Variants in COL7A1 observed in about 807,000 individuals in gnomAD.
The protein encoded by COL7A1 is collagen alpha-1(VII) chain.
Under a neutral mutation model 456.2 loss-of-function variants are expected in COL7A1, and 296 were observed. The ratio of observed to expected loss-of-function variants is 0.65; its 90% CI spans 0.59 to 0.71. The LOEUF (loss-of-function observed/expected upper bound fraction) is 0.71, where lower values mean the gene tolerates loss of function less well. COL7A1 is among the 30% of genes least tolerant of loss of function. The probability of loss-of-function intolerance (pLI) is 0.00; values close to 1 mark genes in which losing one functional copy is unlikely to be tolerated. For synonymous variants in COL7A1, 1,464 were observed against 1,525.9 expected (o/e 0.96, Z 0.95); for missense variants, 3,441 against 4,017.2 (o/e 0.86, Z 3.88).
At position 48,571,322 on chromosome 3, in the gene COL7A1, A is replaced by G. The variant is rs925082507; in HGVS notation, c.7069-44T>C. ...CAGCATTTGAGAGGGTAGGAACATG[A>G]GCACAGAGTTCAGACACGGGCTGAA... On this transcript the variant is annotated intron_variant, in intron 92 of 118. Coordinates refer to ENST00000681320, the MANE Select transcript of COL7A1 (RefSeq NM_000094.4). The surrounding 1 kb of genome is among the most constrained non-coding windows in gnomAD (Gnocchi z 4.6). 1 of 1,611,510 alleles carries G rather than the reference A, an allele frequency of 6.2e-7. No homozygotes were observed. The highest frequency in any genetic ancestry group is 1.3e-5 in the African/African-American group (1 of 74,874).
In COL7A1 at chr3:48,585,924, G is replaced by A. The variant is rs185689852; in HGVS notation, c.3759+16C>T. ...CAGGTGCAGCCTCTGTTCACCTCTC[G>A]ATGAGGGACTCTTACCTTTGGACAA... On this transcript the variant is annotated intron_variant, in intron 29 of 118. Transcript: ENST00000681320. The surrounding 1 kb of genome is among the most constrained non-coding windows in gnomAD (Gnocchi z 4.5). 9.5e-4 allele frequency: 1,535 copies of A among 1,614,120 alleles called. 3 individuals carry two copies. In the African/African-American group the frequency reaches 0.011, roughly 11 times the overall value.
rs1459072182 is a variant in COL7A1 at position 48,586,060 on chromosome 3, G to A, written c.3723+14C>T. Reference sequence around the variant, plus strand: ...ATATTCTACCACCCAGTCCCCCAGAGGCCTCTTCCAAACCTGAGTAGTGAA... The same window carrying A: ...ATATTCTACCACCCAGTCCCCCAGAAGCCTCTTCCAAACCTGAGTAGTGAA... On this transcript the variant is annotated intron_variant, in intron 28 of 118. Coordinates refer to ENST00000681320, the MANE Select transcript of COL7A1 (RefSeq NM_000094.4). This position sits in a 1 kb window ranked among gnomAD's most constrained non-coding sequence, Gnocchi z 5.1. 6.2e-7 allele frequency: 1 copy of A among 1,613,516 alleles called. No homozygotes were observed. Among genetic ancestry groups the A allele is most frequent in the East Asian group, 2.2e-5 (1 of 44,882 alleles).
At position 48,575,684 on chromosome 3, in the gene COL7A1, G is replaced by C. The variant is rs199967508; in HGVS notation, c.5921C>G (p.Pro1974Arg). ...DESSGSFLPV[P>R]ERRRGPKGDS... ...CCCCTTGGGGCCTCGACGCCGTTCG[G>C]GCACAGGCAGGAAGCTACCAGAGCT... The change falls in exon 73 of 119, where the codon CCC becomes CGC. Residue 1974 changes from proline to arginine, a missense_variant. Coordinates refer to ENST00000681320, the MANE Select transcript of COL7A1 (RefSeq NM_000094.4). This position sits in a 1 kb window ranked among gnomAD's most constrained non-coding sequence, Gnocchi z 6.3. The C allele has an allele frequency of 2.0e-5, 33 of 1,613,714 alleles. No homozygotes were observed. In the East Asian group the frequency reaches 7.4e-4, roughly 36 times the overall value.
At position 48,579,871 on chromosome 3, in the gene COL7A1, G is replaced by A. The variant is rs1560229658; in HGVS notation, c.5125-57C>T. The A allele has an allele frequency of 1.1e-5, 17 of 1,613,108 alleles. No homozygotes were observed. In the South Asian group the frequency reaches 1.2e-4, roughly 11 times the overall value. On this transcript the variant is annotated intron_variant, in intron 57 of 118. Coordinates refer to ENST00000681320, the MANE Select transcript of COL7A1 (RefSeq NM_000094.4). The surrounding 1 kb of genome is among the most constrained non-coding windows in gnomAD (Gnocchi z 4.4). ...CTCAACAAGGGGAAGAGGAGTTGGCGAGGGGATACAGGGTCTGTGAGGGGC... is the reference window on the plus strand; with the variant it reads ...CTCAACAAGGGGAAGAGGAGTTGGCAAGGGGATACAGGGTCTGTGAGGGGC...
rs1162486846 is a variant in COL7A1, at chr3:48,564,993, G to A, written c.8621-13C>T. The A allele has an allele frequency of 1.2e-6, 2 of 1,614,116 alleles. No individual in the cohort carries two copies. Among genetic ancestry groups the A allele is most frequent in the Non-Finnish European group, 1.7e-6 (2 of 1,179,974 alleles). On this transcript the variant is annotated splice_polypyrimidine_tract_variant and intron_variant, in intron 117 of 118. Transcript: ENST00000681320. The surrounding 1 kb of genome is among the most constrained non-coding windows in gnomAD (Gnocchi z 6.0). ...AGGGAACAGGGGTCTGGGCCAATGG[G>A]GTCAAGTCAGCAGGGTTTGTGGGAA...
At position 48,575,476 on chromosome 3, in the gene COL7A1, CCT is replaced by C. The variant is rs2044233322; in HGVS notation, c.6041_6042del (p.Gln2014ArgfsTer84). 2.5e-6 allele frequency: 4 copies of C among 1,611,964 alleles called. No homozygotes were observed. The highest frequency in any genetic ancestry group is 3.4e-6 in the Non-Finnish European group (4 of 1,179,620). On this transcript the variant is annotated frameshift_variant, in exon 74 of 119. Transcript: ENST00000681320. LOFTEE classifies it high-confidence loss of function. This position sits in a 1 kb window ranked among gnomAD's most constrained non-coding sequence, Gnocchi z 6.3. ...TCCCCAAGGGCCAGACCAGGTGGCC[CCT>C]GAGGGCCAGGGTCTCCACGGTCGCC... ...LKGDRGDPGPQGPPGLALGER... is the reference protein window; with the variant it reads ...LKGDRGDPGPXGPPGLALGER...
Position 48,570,560 on chromosome 3 carries a change from A to G in COL7A1, c.7345-60T>C. 1 of 1,613,658 alleles carries G rather than the reference A, an allele frequency of 6.2e-7. No individual in the cohort carries two copies. Among genetic ancestry groups the G allele is most frequent in the Non-Finnish European group, 8.5e-7 (1 of 1,179,702 alleles). ...CTCAAAGCGCCTCCCCCAACACCCC[A>G]CAGTGTGGCCCGCCCCATCCTAAGT... On this transcript the variant is annotated intron_variant, in intron 96 of 118. Coordinates refer to ENST00000681320, the MANE Select transcript of COL7A1 (RefSeq NM_000094.4). The surrounding 1 kb of genome is among the most constrained non-coding windows in gnomAD (Gnocchi z 5.5).
In COL7A1 at chr3:48,589,387, G is replaced by T. The variant is rs780603922; in HGVS notation, c.2254C>A (p.His752Asn). 1 of 1,613,438 alleles carries T rather than the reference G, an allele frequency of 6.2e-7. No individual in the cohort carries two copies. The highest frequency in any genetic ancestry group is 8.5e-7 in the Non-Finnish European group (1 of 1,179,996). The change falls in exon 18 of 119, where the codon CAT becomes AAT. Residue 752 changes from histidine to asparagine, a missense_variant. By Grantham distance (68) the His-to-Asn change is moderately conservative. Coordinates refer to ENST00000681320, the MANE Select transcript of COL7A1 (RefSeq NM_000094.4). Reference sequence around the variant, plus strand: ...ACGCCAGCCACATGGGCCCTCACATGCACCGTATACTCAGTATCTGGCTCC... The same window carrying T: ...ACGCCAGCCACATGGGCCCTCACATTCACCGTATACTCAGTATCTGGCTCC... ...GLEPDTEYTV[H>N]VRAHVAGVDG...
rs769882067 is a variant in COL7A1 at position 48,575,197 on chromosome 3, C to T, written c.6216+10G>A. On this transcript the variant is annotated intron_variant, in intron 75 of 118. Transcript: ENST00000681320. This position sits in a 1 kb window ranked among gnomAD's most constrained non-coding sequence, Gnocchi z 6.3. ...AGACAGCCTGCCCCACGAAGCCCAT[C>T]GCAGCCCACCTGTTCTCCACGTTCT... is the stretch of plus-strand genomic sequence containing the variant. 9 of 1,613,900 alleles carry T rather than the reference C, an allele frequency of 5.6e-6. No homozygotes were observed. The highest frequency in any genetic ancestry group is 5.5e-5 in the South Asian group (5 of 91,084).
rs1331552842 is a variant in COL7A1, at chr3:48,593,999, G to A, written c.267-303C>T. On this transcript the variant is annotated intron_variant, in intron 3 of 118. Transcript: ENST00000681320. The surrounding 1 kb of genome is among the most constrained non-coding windows in gnomAD (Gnocchi z 4.4). The stretch of plus-strand genomic sequence containing the variant: ...TGCAGGAGGAGGGGTCCAGATGTAG[G>A]AAAGTGGATGCTGGCCAGATGGAGC... 6.6e-6 allele frequency among the ~76,000 whole-genome samples: 1 copy of A among 152,242 alleles called. No homozygotes were observed. The highest frequency in any genetic ancestry group is 6.5e-5 in the Admixed American group (1 of 15,290).
chr3:48,589,769 G>C, intron 16 of COL7A1, 51 bp from the exon 17 acceptor site: 1 of 1,613,186 alleles, frequency 6.2e-7, no homozygotes, highest in Non-Finnish European at 8.5e-7. Flanking sequence ...GGAAGGAGTG[G>C]GGCTATCTGA....
Position 48,579,564 on chromosome 3 carries a change from C to G in COL7A1, c.5235+24G>C. On this transcript the variant is annotated intron_variant, in intron 59 of 118. Coordinates refer to ENST00000681320, the MANE Select transcript of COL7A1 (RefSeq NM_000094.4). This position sits in a 1 kb window ranked among gnomAD's most constrained non-coding sequence, Gnocchi z 4.4. ...CAGAGCAGGCCCTCCCATGCCTGCA[C>G]CCCCGAGGACCAATCACACTCACCC... The G allele has an allele frequency of 6.2e-7, 1 of 1,613,818 alleles. No homozygotes were observed. The highest frequency in any genetic ancestry group is 8.5e-7 in the Non-Finnish European group (1 of 1,179,970).
At chr3:48,582,253 T>A in intron 47 of COL7A1, 70 bp downstream of exon 47, 1 of 1,611,054 alleles carries the variant, frequency 6.2e-7, no homozygotes, top group Non-Finnish European at 8.5e-7. Flanking sequence ...ACAGCCCAGA[T>A]AGTGTTCTAT....
In COL7A1 at chr3:48,583,612, C is replaced by T; in HGVS notation, c.4345G>A (p.Asp1449Asn). The change falls in exon 41 of 119, where the codon GAC (aspartate) becomes AAC (asparagine). Residue 1449 changes from aspartate (D) to asparagine (N), a missense_variant. Transcript: ENST00000681320. This position sits in a 1 kb window ranked among gnomAD's most constrained non-coding sequence, Gnocchi z 5.1. ...AGGCCTGGAGCTCCATCCTCAGAGT[C>T]ACCCTGAAGGAGAAACACACGGGTG... ...GPPGKKGEKGDSEDGAPGLPG... is the reference protein window; with the variant it reads ...GPPGKKGEKGNSEDGAPGLPG... 1 of 1,614,074 alleles carries T rather than the reference C, an allele frequency of 6.2e-7. No individual in the cohort carries two copies. The highest frequency in any genetic ancestry group is 8.5e-7 in the Non-Finnish European group (1 of 1,180,016).
In COL7A1 at chr3:48,585,046, G is replaced by A. The variant is rs1402489204; in HGVS notation, c.3965C>T (p.Pro1322Leu). The change falls in exon 33 of 119, where the codon CCT becomes CTT. Residue 1322 changes from proline to leucine, a missense_variant. This residue lies in a region of COL7A1 where 2,084 missense variants were observed against 2,501.3 expected (regional missense o/e 0.83). Coordinates refer to ENST00000681320, the MANE Select transcript of COL7A1 (RefSeq NM_000094.4). This position sits in a 1 kb window ranked among gnomAD's most constrained non-coding sequence, Gnocchi z 4.5. ...RAGNPGTPGA[P>L]GLKGSPGLPG... ...ACAAGGCTTGCTCACCTTTAGGCCA[G>A]GGGCTCCAGGGGTCCCAGGATTCCC... The A allele has an allele frequency of 6.2e-7, 1 of 1,612,966 alleles. No individual in the cohort carries two copies. Among genetic ancestry groups the A allele is most frequent in the African/African-American group, 1.3e-5 (1 of 74,910 alleles).
chr3:48,566,130 G>T lies in COL7A1; in HGVS notation c.8407+137C>A. 2 of 920,256 alleles carry T rather than the reference G, an allele frequency of 2.2e-6. No homozygotes were observed. The highest frequency in any genetic ancestry group is 3.4e-6 in the Non-Finnish European group (2 of 581,360). The allele number at this position is 920,256 out of a possible 1,614,324, so 57.0% of individuals were successfully genotyped here. A position where few individuals can be genotyped will look rare whatever the true frequency, so the allele number is the denominator to read the frequency against. ...GGGACACATGTCATGTGTCAGTCCT[G>T]CAGCACATGTGTCCTTCTGTGTATC... On this transcript the variant is annotated intron_variant, in intron 114 of 118. Coordinates refer to ENST00000681320, the MANE Select transcript of COL7A1 (RefSeq NM_000094.4). The surrounding 1 kb of genome is among the most constrained non-coding windows in gnomAD (Gnocchi z 5.9).
Position 48,586,579 on chromosome 3 carries a change from T to C in COL7A1, c.3387A>G (p.Pro1129=). 6.2e-7 allele frequency: 1 copy of C among 1,613,770 alleles called. No homozygotes were observed. Among genetic ancestry groups the C allele is most frequent in the South Asian group, 1.1e-5 (1 of 91,084 alleles). Residue 1129 remains proline, a synonymous_variant, in exon 26 of 119, where the codon CCA becomes CCG. Transcript: ENST00000681320. This position sits in a 1 kb window ranked among gnomAD's most constrained non-coding sequence, Gnocchi z 5.1. ...QRIRDMPYMD[P]SGNNLGTAVV... ...AGTCCTCACCCAGGTTGTTCCCACT[T>C]GGGTCCATGTAGGGCATGTCACGGA...
chr3:48,564,860 C>T lies in COL7A1; in HGVS notation c.8741G>A (p.Gly2914Glu). 1 of 1,614,158 alleles carries T rather than the reference C, an allele frequency of 6.2e-7. No individual in the cohort carries two copies. The highest frequency in any genetic ancestry group is 1.3e-5 in the African/African-American group (1 of 75,050). ...CHPFVYGGCG[G>E]NANRFGTREA... Reference sequence around the variant, plus strand: ...ACGGGTCCCAAAACGGTTGGCATTCCCTCCACAGCCACCATAGACAAAAGG... The same window carrying T: ...ACGGGTCCCAAAACGGTTGGCATTCTCTCCACAGCCACCATAGACAAAAGG... Residue 2914 changes from glycine to glutamate, a missense_variant, in exon 118 of 119, where the codon GGG becomes GAG. By Grantham distance (98) the Gly-to-Glu change is moderately conservative. Around this residue, in one of 3 missense-constraint regions of COL7A1, gnomAD observed 2,084 missense variants for 2,501.3 expected, o/e 0.83. Coordinates refer to ENST00000681320, the MANE Select transcript of COL7A1 (RefSeq NM_000094.4). This position sits in a 1 kb window ranked among gnomAD's most constrained non-coding sequence, Gnocchi z 6.0.
In COL7A1 at chr3:48,579,436, G is replaced by C; in HGVS notation, c.5272-32C>G. On this transcript the variant is annotated intron_variant, in intron 60 of 118. Transcript: ENST00000681320. The surrounding 1 kb of genome is among the most constrained non-coding windows in gnomAD (Gnocchi z 4.4). ...GGAACAGGGTCAGATAAGAGGTGAGGGTAAGATGGGGACTTGGCAGACGGG... is the reference window on the plus strand; with the variant it reads ...GGAACAGGGTCAGATAAGAGGTGAGCGTAAGATGGGGACTTGGCAGACGGG... The C allele has an allele frequency of 1.2e-6, 2 of 1,614,156 alleles. No individual in the cohort carries two copies. Among genetic ancestry groups the C allele is most frequent in the Non-Finnish European group, 8.5e-7 (1 of 1,180,026 alleles).
Sources: gnomAD v4.1 joint callset for allele counts (sites outside exome capture counted in the v4.1 genomes callset) on GRCh38, gnomAD v4.1.1 for gene constraint, gnomAD v4.1.1 regional missense constraint, Gnocchi (gnomAD v3.1) non-coding constraint, MANE v1.5 for transcripts, NCBI Gene and HGNC (gene_info 2026-07-23, HGNC 2026-07-21) for gene names.